AMPH: variants seen among roughly 807,000 people sequenced by gnomAD.
The protein encoded by AMPH is amphiphysin.
A neutral mutation model predicts 99.1 loss-of-function variants in AMPH; 49 were observed. That is an observed-to-expected ratio of 0.49 (90% CI 0.39 to 0.63). The LOEUF (loss-of-function observed/expected upper bound fraction) is 0.63. Among genes scored for constraint, AMPH ranks in the 20% least tolerant of loss-of-function variants. AMPH has a pLI of 0.00. For missense variants in AMPH, 759 were observed against 863.4 expected (o/e 0.88, Z 1.52); for synonymous variants, 314 against 317.3 (o/e 0.99, Z 0.11).
chr7:38,597,315 G>A (rs1793094777), intron 1 of AMPH, among the ~76,000 whole-genome samples: 1 of 151,888 alleles, frequency 6.6e-6, no homozygotes, highest in Non-Finnish European at 1.5e-5. Context: ...GTTATATTAT[G>A]TTAAATAATT....
At chr7:38,590,157 G>A (rs1002608216) in intron 1 of AMPH, among the ~76,000 whole-genome samples, 58 of 152,180 alleles carry the variant, frequency 3.8e-4, no homozygotes, top group Admixed American at 3.3e-4. Flanking sequence ...TGAGCCATGC[G>A]GTGAGTGTTA....
Position 38,384,127 on chromosome 7 carries a change from G to C in AMPH, c.*691C>G. 1 of 152,300 alleles carries C rather than the reference G, an allele frequency of 6.6e-6. No individual in the cohort carries two copies. Among genetic ancestry groups the C allele is most frequent in the Non-Finnish European group, 1.5e-5 (1 of 68,102 alleles). 9.4% of individuals were successfully genotyped at this position (152,300 alleles called of 1,614,324 possible). On this transcript the variant is annotated 3_prime_UTR_variant, in exon 21 of 21. Transcript: ENST00000356264. ...TGACTCTTTTGCCAATGGGATGGCT[G>C]GTTTTGCCATTAGGCAAAACTGCAA... is the stretch of plus-strand genomic sequence containing the variant.
intron 1 of AMPH, among the ~76,000 whole-genome samples, chr7:38,602,414 C>T (rs147863464): frequency 2.6e-5 from 4 of 152,330 alleles, no homozygotes; most frequent in Non-Finnish European, 5.9e-5. Flanking sequence ...GAGCTGTCGG[C>T]AGGGCTGTGC....
At chr7:38,545,862 G>A (rs1982179) in intron 1 of AMPH, among the ~76,000 whole-genome samples, 39,041 of 151,990 alleles carry the variant, frequency 0.26, 5,412 homozygotes, top group Non-Finnish European at 0.31. Flanking sequence ...CAATTTCACC[G>A]ATGGTTTCTA....
At chr7:38,526,433 C>CTTTTTTTTT (rs33974810) in intron 2 of AMPH, among the ~76,000 whole-genome samples, 2 of 72,580 alleles carry the variant, frequency 2.8e-5, no homozygotes, top group Non-Finnish European at 2.3e-5. Context: ...CCATGCCCGG[C>CTTTTTTTTT]TTTTTTTTTT....
intron 11 of AMPH, among the ~76,000 whole-genome samples, chr7:38,451,362 A>G (rs1233019640): frequency 1.3e-5 from 2 of 149,816 alleles, no homozygotes; most frequent in Non-Finnish European, 2.9e-5. Context: ...ATATACACGT[A>G]TATATATGTG....
At chr7:38,433,909 T>C (rs866056961) in intron 12 of AMPH, among the ~76,000 whole-genome samples, 1 of 152,168 alleles carries the variant, frequency 6.6e-6, no homozygotes, top group Middle Eastern at 3.4e-3. Context: ...GATCACAAGA[T>C]GAGGTGTTCT....
chr7:38,504,470 G>C (rs1219004542), intron 2 of AMPH, among the ~76,000 whole-genome samples: 1 of 152,188 alleles, frequency 6.6e-6, no homozygotes, highest in African/African-American at 2.4e-5. Flanking sequence ...GCCAATAGGA[G>C]AGTAGAGAAG....
chr7:38,564,903 T>C (rs1259635594), intron 1 of AMPH, among the ~76,000 whole-genome samples: 3 of 152,082 alleles, frequency 2.0e-5, no homozygotes, highest in African/African-American at 7.2e-5. Context: ...GGTGGGTGGA[T>C]CACGAGGTCA....
chr7:38,584,685 A>T (rs1460378872), intron 1 of AMPH, among the ~76,000 whole-genome samples: 2 of 152,158 alleles, frequency 1.3e-5, no homozygotes, highest in Non-Finnish European at 2.9e-5. Flanking sequence ...CCAGTTTCTG[A>T]CGAGAGAACT....
chr7:38,563,400 G>A (rs1791624484), intron 1 of AMPH, among the ~76,000 whole-genome samples: 1 of 152,104 alleles, frequency 6.6e-6, no homozygotes, highest in Non-Finnish European at 1.5e-5. Context: ...TTCATTCTAT[G>A]GTATTTGGTG....
chr7:38,397,693 T>A (rs1429593026), intron 17 of AMPH, among the ~76,000 whole-genome samples: 1 of 152,120 alleles, frequency 6.6e-6, no homozygotes, highest in Non-Finnish European at 1.5e-5. Flanking sequence ...GCCTCTGCAC[T>A]GCCAAGGGAA....
chr7:38,573,813 G>C (rs12672331), intron 1 of AMPH, among the ~76,000 whole-genome samples: 9,653 of 152,286 alleles, frequency 0.063, 354 homozygotes, highest in East Asian at 0.12. Flanking sequence ...TATGGAACCT[G>C]CTTTGTGCCA....
At chr7:38,553,504 A>G (rs528608102) in intron 1 of AMPH, among the ~76,000 whole-genome samples, 10 of 152,352 alleles carry the variant, frequency 6.6e-5, no homozygotes, top group African/African-American at 2.4e-4. Flanking sequence ...ATGTCTGGAA[A>G]TAGGTTACTG....
chr7:38,511,124 C>T (rs901881456), intron 2 of AMPH, among the ~76,000 whole-genome samples: 1 of 152,034 alleles, frequency 6.6e-6, no homozygotes, highest in Non-Finnish European at 1.5e-5. Flanking sequence ...TTGAGGGAGA[C>T]GAGTTACATA....
At chr7:38,563,615 A>G (rs1376345242) in intron 1 of AMPH, among the ~76,000 whole-genome samples, 4 of 152,232 alleles carry the variant, frequency 2.6e-5, no homozygotes, top group Non-Finnish European at 5.9e-5. Context: ...AAAGATTTAC[A>G]TATGATCCAT....
At chr7:38,390,617 A>T (rs908237006) in intron 19 of AMPH, among the ~76,000 whole-genome samples, 1 of 152,192 alleles carries the variant, frequency 6.6e-6, no homozygotes, top group Non-Finnish European at 1.5e-5. Context: ...GCATATTCAT[A>T]GAATCACAAG....
rs867236946 is a variant in AMPH at position 38,437,682 on chromosome 7, T to C, written c.1018-1294A>G. On this transcript the variant is annotated intron_variant, in intron 11 of 20. Transcript: ENST00000356264. ...AGTTGGGCATGGTGGTGCATGACCG[T>C]AGTCCCAGCTACTTGGGAGGCTGAG... Among the ~76,000 whole-genome samples the C allele has an allele frequency of 4.7e-4, 71 of 149,894 alleles. 1 individual carries two copies. The highest frequency in any genetic ancestry group is 1.7e-3 in the South Asian group (8 of 4,680).
At chr7:38,433,724 C>CAAAAAAAAAAAAAAAAAA (rs570503359) in intron 12 of AMPH, among the ~76,000 whole-genome samples, 11 of 53,186 alleles carry the variant, frequency 2.1e-4, no homozygotes, top group African/African-American at 1.0e-3. Flanking sequence ...GACTCCGTCT[C>CAAAAAAAAAAAAAAAAAA]AAAAAAAAAA....
Sources: allele counts gnomAD v4.1 joint callset (sites outside exome capture counted in the v4.1 genomes callset), GRCh38; gene constraint gnomAD v4.1.1; transcripts MANE v1.5; gene names NCBI Gene and HGNC (gene_info 2026-07-23, HGNC 2026-07-21).